CREM: variants seen among roughly 807,000 people sequenced by gnomAD.
CREM encodes the protein cAMP responsive element modulator, also known as cAMP-responsive element modulator.
CREM carries 13 observed loss-of-function variants against 37.3 expected under a neutral mutation model. The ratio of observed to expected loss-of-function variants is 0.35; its 90% CI spans 0.23 to 0.55. The LOEUF (loss-of-function observed/expected upper bound fraction) is 0.55. Ranked by LOEUF, CREM falls within the 20% of genes least tolerant of loss-of-function variation. The pLI is 0.88. For missense variants in CREM, 296 were observed against 362.3 expected, an observed-to-expected ratio of 0.82 and a Z score of 1.49; for synonymous variants, 124 against 120.2, an observed-to-expected ratio of 1.03 and a Z score of -0.21.
intron 1 of CREM, among the ~76,000 whole-genome samples, chr10:35,134,063 T>G (rs903444663): frequency 2.0e-5 from 3 of 151,880 alleles, no homozygotes; most frequent in Non-Finnish European, 2.9e-5. Flanking sequence ...TTGTTTTTTT[T>G]TTTTTTTCAA....
At chr10:35,182,398 T>G (rs2094390399) in intron 5 of CREM, among the ~76,000 whole-genome samples, 1 of 152,000 alleles carries the variant, frequency 6.6e-6, no homozygotes, top group African/African-American at 2.4e-5. Flanking sequence ...TTTAATGCTC[T>G]TTCATAACCT....
rs928365304 is a variant in CREM, at chr10:35,212,473, G to A, written c.*1075G>A. The A allele has an allele frequency of 1.3e-5, 2 of 152,760 alleles. No individual in the cohort carries two copies. The highest frequency in any genetic ancestry group is 4.8e-5 in the African/African-American group (2 of 41,436). The allele number at this position is 152,760 out of a possible 1,614,324, so 9.5% of individuals were successfully genotyped here. A position where few individuals can be genotyped will look rare whatever the true frequency, so the allele number is the denominator to read the frequency against. ...ATAAAAGATCTTGCAGAAGTTCTTA[G>A]TGTTGGTTTAATATTACCTAATGAA... On this transcript the variant is annotated 3_prime_UTR_variant, in exon 8 of 8. Transcript: ENST00000685392.
intron 3 of CREM, among the ~76,000 whole-genome samples, chr10:35,172,302 G>T (rs979632355): frequency 6.6e-6 from 1 of 152,120 alleles, no homozygotes; most frequent in African/African-American, 2.4e-5. Context: ...AGGGTGTAGG[G>T]GCTAGATTAG....
At chr10:35,142,052 C>T (rs192815182) in intron 2 of CREM, among the ~76,000 whole-genome samples, 4 of 152,238 alleles carry the variant, frequency 2.6e-5, no homozygotes, top group Admixed American at 2.6e-4. Context: ...GAGGTAGAAA[C>T]CTCTCTAAAC....
intron 1 of CREM, among the ~76,000 whole-genome samples, chr10:35,130,976 G>A (rs2089259745): frequency 6.6e-6 from 1 of 152,172 alleles, no homozygotes; most frequent in African/African-American, 2.4e-5. Context: ...TACTGGCAAC[G>A]TGTGTGTGAA....
At chr10:35,178,344 C>A (rs1390889291) in intron 3 of CREM, among the ~76,000 whole-genome samples, 1 of 152,188 alleles carries the variant, frequency 6.6e-6, no homozygotes, top group Non-Finnish European at 1.5e-5. Flanking sequence ...TAACTTACTC[C>A]TTGTAATAGA....
intron 3 of CREM, among the ~76,000 whole-genome samples, chr10:35,149,889 A>AACACACACAC (rs55971717): frequency 0.084 from 9,378 of 111,620 alleles, 567 homozygotes; most frequent in Middle Eastern, 0.11. Context: ...CTTTTGCTTA[A>AACACACACAC]ACACACACAC....
chr10:35,178,145 A>T (rs901479841), intron 3 of CREM, among the ~76,000 whole-genome samples: 4 of 152,240 alleles, frequency 2.6e-5, no homozygotes, highest in African/African-American at 9.6e-5. Flanking sequence ...AGTATTAATA[A>T]TTGACTGAAT....
chr10:35,179,404 C>A, intron 5 of CREM, 128 bp downstream of exon 5: 1 of 1,015,088 alleles, frequency 9.9e-7, no homozygotes, highest in Non-Finnish European at 1.4e-6. Flanking sequence ...TAAACTGTAT[C>A]ATAGAATGAA....
intron 5 of CREM, among the ~76,000 whole-genome samples, chr10:35,183,669 A>G (rs777548020): frequency 3.3e-5 from 5 of 152,218 alleles, no homozygotes; most frequent in Non-Finnish European, 5.9e-5. Flanking sequence ...ATGCAGTGAG[A>G]TTTCATTTAT....
chr10:35,188,574 C>T (rs12761577), intron 6 of CREM, among the ~76,000 whole-genome samples, 186 bp downstream of exon 6: 20,439 of 151,978 alleles, frequency 0.13, 1,559 homozygotes, highest in South Asian at 0.19. Context: ...TATCATTTTT[C>T]GCCTTTTAGC....
intron 1 of CREM, among the ~76,000 whole-genome samples, chr10:35,131,964 C>T (rs1241310413): frequency 6.6e-6 from 1 of 152,006 alleles, no homozygotes; most frequent in African/African-American, 2.4e-5. Context: ...GCCTGTAATC[C>T]CAGTGCTTTG....
intron 6 of CREM, among the ~76,000 whole-genome samples, chr10:35,194,840 A>G (rs1296277262): frequency 6.6e-6 from 1 of 151,988 alleles, no homozygotes; most frequent in Non-Finnish European, 1.5e-5. Context: ...CCTTGGACAC[A>G]ACAATAATAA....
At chr10:35,129,443 G>C (rs1056329768) in intron 1 of CREM, among the ~76,000 whole-genome samples, 11 of 152,240 alleles carry the variant, frequency 7.2e-5, no homozygotes, top group Middle Eastern at 6.8e-3. Context: ...ATGAAAAGTA[G>C]GGAAGAGTTT....
intron 1 of CREM, among the ~76,000 whole-genome samples, chr10:35,131,339 T>A (rs1178816600): frequency 6.6e-6 from 1 of 152,236 alleles, no homozygotes; most frequent in Non-Finnish European, 1.5e-5. Context: ...AAAGGTTTTT[T>A]TTTGTGTGTT....
chr10:35,174,592 C>T (rs1352043115), intron 3 of CREM, among the ~76,000 whole-genome samples: 2 of 152,118 alleles, frequency 1.3e-5, no homozygotes, highest in Non-Finnish European at 2.9e-5. Context: ...CACACAAAGT[C>T]TTCCTTGAAA....
intron 1 of CREM, among the ~76,000 whole-genome samples, chr10:35,129,589 T>G (rs2045918): frequency 0.29 from 44,419 of 152,046 alleles, 7,003 homozygotes; most frequent in South Asian, 0.35. Context: ...GTTTATTGTT[T>G]AAGTGGATGT....
chr10:35,193,123 A>G (rs1453135080), intron 6 of CREM, among the ~76,000 whole-genome samples: 1 of 152,140 alleles, frequency 6.6e-6, no homozygotes, highest in Admixed American at 6.5e-5. Context: ...GGCACATATC[A>G]TGTTGTGTTG....
At chr10:35,175,310 G>A (rs1402719832) in intron 3 of CREM, among the ~76,000 whole-genome samples, 1 of 152,174 alleles carries the variant, frequency 6.6e-6, no homozygotes, top group Non-Finnish European at 1.5e-5. Flanking sequence ...GCTGAGCGTG[G>A]TGGCGGGCAC....
Sources: gnomAD v4.1 joint callset for allele counts (sites outside exome capture counted in the v4.1 genomes callset) on GRCh38, gnomAD v4.1.1 for gene constraint, MANE v1.5 for transcripts, NCBI Gene and HGNC (gene_info 2026-07-23, HGNC 2026-07-21) for gene names.